Variants in ITGB5 observed in about 807,000 individuals in gnomAD.
ITGB5 encodes the protein integrin beta-5.
A neutral mutation model predicts 84.8 loss-of-function variants in ITGB5; 38 were observed. The observed-to-expected ratio is 0.45, with a 90% CI of 0.35 to 0.59. ITGB5 has a LOEUF of 0.59. Among genes scored for constraint, ITGB5 ranks in the 20% least tolerant of loss-of-function variants. The probability of loss-of-function intolerance (pLI) is 0.01; values close to 1 mark genes in which losing one functional copy is unlikely to be tolerated. For synonymous variants in ITGB5, 393 were observed against 414.4 expected (o/e 0.95, Z 0.63); for missense variants, 905 against 1,034.5 (o/e 0.87, Z 1.72).
intron 9 of ITGB5, among the ~76,000 whole-genome samples, chr3:124,805,435 G>A (rs1258528918): frequency 2.6e-5 from 4 of 151,906 alleles, no homozygotes; most frequent in African/African-American, 4.8e-5. Flanking sequence ...GAGTCACTGT[G>A]CCTAGCCATT....
chr3:124,847,114 G>A (rs992925041), intron 4 of ITGB5, among the ~76,000 whole-genome samples: 2 of 152,198 alleles, frequency 1.3e-5, no homozygotes, highest in Admixed American at 1.3e-4. Flanking sequence ...AGATTTAAAT[G>A]AGATAATCCA....
chr3:124,769,182 C>G (rs757124693), intron 11 of ITGB5, 69 bp from the exon 12 acceptor site: 151 of 1,258,078 alleles, frequency 1.2e-4, no homozygotes, highest in Non-Finnish European at 1.7e-4. Context: ...TCCCTGAGCT[C>G]CTGACAGTGC....
intron 10 of ITGB5, chr3:124,780,717 C>G (rs574640335): frequency 0.022 from 3,366 of 151,650 alleles, 48 homozygotes; most frequent in Middle Eastern, 0.033. Flanking sequence ...TGTCCCCCCC[C>G]CCGTGTTTCC....
chr3:124,848,054 A>G (rs954934999), intron 4 of ITGB5, among the ~76,000 whole-genome samples: 16 of 152,158 alleles, frequency 1.1e-4, no homozygotes, highest in African/African-American at 3.9e-4. Flanking sequence ...AATGTGAGCA[A>G]ATGGTGCTGT....
chr3:124,773,580 G>A, intron 11 of ITGB5, 110 bp downstream of exon 11: 1 of 892,594 alleles, frequency 1.1e-6, no homozygotes, highest in African/African-American at 1.7e-5. Flanking sequence ...TGCTGGGTGG[G>A]AGATGCAGGA....
chr3:124,855,753 G>A (rs565967499), intron 3 of ITGB5, among the ~76,000 whole-genome samples: 95 of 152,220 alleles, frequency 6.2e-4, no homozygotes, highest in Non-Finnish European at 1.2e-3. Flanking sequence ...GAGCTACACA[G>A]CATCCACACT....
intron 5 of ITGB5, among the ~76,000 whole-genome samples, chr3:124,835,701 A>G (rs2064925610): frequency 6.6e-6 from 1 of 152,260 alleles, no homozygotes; most frequent in African/African-American, 2.4e-5. Flanking sequence ...TGAGGAAAGA[A>G]AGGCAATTTC....
intron 5 of ITGB5, among the ~76,000 whole-genome samples, chr3:124,838,864 G>A (rs1038147418): frequency 6.6e-6 from 1 of 152,204 alleles, no homozygotes; most frequent in Non-Finnish European, 1.5e-5. Context: ...GCCTCTCAAA[G>A]TGCTAGGATT....
chr3:124,877,137 ATTT>A (rs34843039), intron 1 of ITGB5, among the ~76,000 whole-genome samples: 1 of 126,746 alleles, frequency 7.9e-6, no homozygotes, highest in Non-Finnish European at 1.6e-5. Flanking sequence ...CACCTGGCTA[ATTT>A]TTTTTTTTTT....
intron 8 of ITGB5, among the ~76,000 whole-genome samples, chr3:124,810,803 C>A (rs546453733): frequency 7.2e-4 from 109 of 152,290 alleles, no homozygotes; most frequent in South Asian, 2.3e-3. Context: ...AGGACCCCAA[C>A]ATCCGCAGAC....
chr3:124,854,257 A>C (rs986645537), intron 3 of ITGB5, among the ~76,000 whole-genome samples: 1 of 152,246 alleles, frequency 6.6e-6, no homozygotes, highest in African/African-American at 2.4e-5. Context: ...TGTCCCCACA[A>C]TAGTGTGTAC....
intron 3 of ITGB5, among the ~76,000 whole-genome samples, chr3:124,850,222 A>G (rs1265539124): frequency 6.6e-6 from 1 of 151,986 alleles, no homozygotes; most frequent in Admixed American, 6.6e-5. Flanking sequence ...GAATCCAATG[A>G]TCAAAAGATT....
Position 124,766,314 on chromosome 3 carries a change from G to A in ITGB5, c.2049C>T (p.Phe683=). ...TGACGCAGTCCTTGGCGGTTTTGTA[G>A]AAACATAGCACAGCCTCCTGGTCAT... The part of the protein sequence containing the change: ...VKDDQEAVLC[F]YKTAKDCVMM... The change falls in exon 13 of 15, where the codon TTC becomes TTT. Residue 683 remains phenylalanine (F), a synonymous_variant. Transcript: ENST00000296181. The A allele has an allele frequency of 6.2e-7, 1 of 1,614,162 alleles. No individual in the cohort carries two copies. Among genetic ancestry groups the A allele is most frequent in the South Asian group, 1.1e-5 (1 of 91,074 alleles).
chr3:124,846,494 G>A (rs2065080444), intron 4 of ITGB5, among the ~76,000 whole-genome samples: 1 of 151,352 alleles, frequency 6.6e-6, no homozygotes, highest in African/African-American at 2.4e-5. Flanking sequence ...GAGACTCTAC[G>A]TTACTGCAGC....
chr3:124,796,369 G>A lies in ITGB5; in HGVS notation c.1693+19C>T, dbSNP rs371443801. On this transcript the variant is annotated intron_variant, in intron 10 of 14. Transcript: ENST00000296181. ...TCTTGGCCTGGCTCAGAGCTAAAGT[G>A]CTTGCTGGGGACACTTACCTGAGCA... 27 of 1,585,122 alleles carry A rather than the reference G, an allele frequency of 1.7e-5. No homozygotes were observed. The highest frequency in any genetic ancestry group is 2.2e-5 in the Non-Finnish European group (26 of 1,161,984).
In ITGB5 at chr3:124,807,898, T is replaced by C. The variant is rs537572094; in HGVS notation, c.1263+1124A>G. On this transcript the variant is annotated intron_variant, in intron 9 of 14. Transcript: ENST00000296181. ...CAGAGCTTGCAGTGAGCCGAGATCG[T>C]GCCACTGCACTCCAGCCTGGGCGAC... Among the ~76,000 whole-genome samples, 16 of 122,966 alleles carry C rather than the reference T, an allele frequency of 1.3e-4. No homozygotes were observed. The South Asian group carries it at 3.9e-3, about 30-fold the overall frequency. 80.7% of individuals were successfully genotyped at this position (122,966 alleles called of 152,430 possible). A position where few individuals can be genotyped will look rare whatever the true frequency, so the allele number is the denominator to read the frequency against.
At chr3:124,859,055 G>A (rs1023966748) in intron 3 of ITGB5, among the ~76,000 whole-genome samples, 187 bp downstream of exon 3, 1 of 152,160 alleles carries the variant, frequency 6.6e-6, no homozygotes, top group Non-Finnish European at 1.5e-5. Flanking sequence ...GTCCACAGGA[G>A]CCTGTCCACA....
intron 2 of ITGB5, among the ~76,000 whole-genome samples, chr3:124,872,004 C>T (rs954069578): frequency 2.6e-5 from 4 of 151,896 alleles, no homozygotes; most frequent in Non-Finnish European, 5.9e-5. Context: ...GGCTAAATGT[C>T]AGGTCAGACA....
Position 124,853,932 on chromosome 3 carries a change from A to G in ITGB5, c.361+5310T>C, listed in dbSNP as rs2065190563. Reference sequence around the variant, plus strand: ...TTTAAGAGGTTAAAGGACTGAGGCCAATAATGACTTTAATAAACTATTCTT... The same window carrying G: ...TTTAAGAGGTTAAAGGACTGAGGCCGATAATGACTTTAATAAACTATTCTT... On this transcript the variant is annotated intron_variant, in intron 3 of 14. Coordinates refer to ENST00000296181, the MANE Select transcript of ITGB5 (RefSeq NM_002213.5). Among the ~76,000 whole-genome samples the G allele has an allele frequency of 2.6e-5, 4 of 152,368 alleles. No homozygotes were observed. The South Asian group carries it at 8.3e-4, about 32-fold the overall frequency.
Sources: gnomAD v4.1 joint callset for allele counts (sites outside exome capture counted in the v4.1 genomes callset) on GRCh38, gnomAD v4.1.1 for gene constraint, MANE v1.5 for transcripts, NCBI Gene and HGNC (gene_info 2026-07-23, HGNC 2026-07-21) for gene names.